Variants in ITPR2 observed in about 807,000 individuals in gnomAD.
The protein encoded by ITPR2 is inositol 1,4,5-trisphosphate-gated calcium channel ITPR2.
In ITPR2, 207 loss-of-function variants were observed where a neutral mutation model predicts 317.1. The ratio of observed to expected loss-of-function variants is 0.65; its 90% CI spans 0.58 to 0.73. ITPR2 has a LOEUF of 0.73. Among genes scored for constraint, ITPR2 ranks in the 30% least tolerant of loss-of-function variants. ITPR2 has a pLI of 0.00. For missense variants in ITPR2, 2,613 were observed against 3,284.0 expected, an observed-to-expected ratio of 0.80 and a Z score of 4.99; for synonymous variants, 1,156 against 1,149.1, an observed-to-expected ratio of 1.01 and a Z score of -0.12.
In ITPR2 at chr12:26,336,482, CTT is replaced by C. The variant is rs923037131; in HGVS notation, c.*2913_*2914del. 1.8e-4 allele frequency: 27 copies of C among 152,214 alleles called. No individual in the cohort carries two copies. The highest frequency in any genetic ancestry group is 6.0e-4 in the African/African-American group (25 of 41,540). 9.4% of individuals were successfully genotyped at this position (152,214 alleles called of 1,614,324 possible). A position where few individuals can be genotyped will look rare whatever the true frequency, so the allele number is the denominator to read the frequency against. On this transcript the variant is annotated 3_prime_UTR_variant, in exon 57 of 57. Coordinates refer to ENST00000381340, the MANE Select transcript of ITPR2 (RefSeq NM_002223.4). Reference sequence around the variant, plus strand: ...TGCAAGAAAATAAGCTTATTTCTAACTTAATTTTTTAAGGGGTAGAAAATATG... The same window carrying C: ...TGCAAGAAAATAAGCTTATTTCTAACAATTTTTTAAGGGGTAGAAAATATG...
Position 26,658,139 on chromosome 12 carries a change from A to G in ITPR2, c.1887-9T>C. On this transcript the variant is annotated splice_polypyrimidine_tract_variant and intron_variant, in intron 16 of 56. Transcript: ENST00000381340. ...ACAAATAATCCAAAAACCTGGCAAA[A>G]GAAAAAAATTAAATGGAATATGAAG... is the stretch of plus-strand genomic sequence containing the variant. 6.5e-7 allele frequency: 1 copy of G among 1,546,914 alleles called. No homozygotes were observed. The highest frequency in any genetic ancestry group is 1.3e-5 in the South Asian group (1 of 77,738).
intron 1 of ITPR2, among the ~76,000 whole-genome samples, chr12:26,821,498 G>C (rs2137293300): frequency 6.6e-6 from 1 of 152,336 alleles, no homozygotes; most frequent in Non-Finnish European, 1.5e-5. Context: ...TCCCAAAGCA[G>C]CCCTAGGTTC....
At chr12:26,532,267 C>T (rs1943964308) in intron 37 of ITPR2, among the ~76,000 whole-genome samples, 1 of 152,236 alleles carries the variant, frequency 6.6e-6, no homozygotes, top group South Asian at 2.1e-4. Flanking sequence ...CAACCACCAA[C>T]ATTTTAAAAA....
At chr12:26,444,667 C>A (rs913817741) in intron 45 of ITPR2, among the ~76,000 whole-genome samples, 15 of 152,004 alleles carry the variant, frequency 9.9e-5, no homozygotes, top group Admixed American at 2.6e-4. Flanking sequence ...AGTATTTTAT[C>A]GACATTACGG....
chr12:26,408,071 A>G (rs892527173), intron 52 of ITPR2, among the ~76,000 whole-genome samples: 1 of 152,180 alleles, frequency 6.6e-6, no homozygotes, highest in African/African-American at 2.4e-5. Context: ...CCCAACAGCC[A>G]ATCTCTATTG....
chr12:26,626,744 T>G (rs1172057476), intron 23 of ITPR2, among the ~76,000 whole-genome samples: 1 of 152,274 alleles, frequency 6.6e-6, no homozygotes, highest in Non-Finnish European at 1.5e-5. Context: ...TAGTATCCAT[T>G]TTAACTACAT....
At chr12:26,598,704 T>G (rs1371940863) in intron 30 of ITPR2, among the ~76,000 whole-genome samples, 1 of 152,244 alleles carries the variant, frequency 6.6e-6, no homozygotes, top group Non-Finnish European at 1.5e-5. Flanking sequence ...TAGTTTGTAT[T>G]ACTTAGTTTG....
chr12:26,409,450 T>A (rs530269679), intron 52 of ITPR2, among the ~76,000 whole-genome samples: 1 of 152,354 alleles, frequency 6.6e-6, no homozygotes, highest in East Asian at 1.9e-4. Context: ...TGTGAGAGCA[T>A]GTTCTAGTGC....
chr12:26,443,402 C>T (rs1022312509), intron 46 of ITPR2, 141 bp downstream of exon 46: 3 of 556,264 alleles, frequency 5.4e-6, no homozygotes, highest in Non-Finnish European at 9.4e-6. Context: ...ACTCCTCACT[C>T]ATCCTTTTAC....
intron 41 of ITPR2, among the ~76,000 whole-genome samples, chr12:26,484,884 T>C (rs1016279908): frequency 3.9e-5 from 6 of 152,200 alleles, no homozygotes; most frequent in Admixed American, 1.3e-4. Flanking sequence ...GCTAATTTTT[T>C]GTATTTTTTT....
intron 45 of ITPR2, among the ~76,000 whole-genome samples, chr12:26,465,765 T>C (rs1942157051): frequency 1.3e-5 from 2 of 152,122 alleles, no homozygotes; most frequent in African/African-American, 4.8e-5. Context: ...GTATACTCCA[T>C]GGGGGTAGAG....
intron 2 of ITPR2, among the ~76,000 whole-genome samples, chr12:26,760,537 T>G (rs1458790487): frequency 2.0e-5 from 3 of 151,998 alleles, no homozygotes; most frequent in Non-Finnish European, 4.4e-5. Context: ...AAGAACTTAA[T>G]GCCAAAACTG....
At chr12:26,407,362 G>A (rs1940387307) in intron 52 of ITPR2, among the ~76,000 whole-genome samples, 1 of 152,068 alleles carries the variant, frequency 6.6e-6, no homozygotes, top group African/African-American at 2.4e-5. Context: ...TCTTTGTTGT[G>A]GACTGTCCTG....
At chr12:26,823,340 C>A (rs1374135935) in intron 1 of ITPR2, among the ~76,000 whole-genome samples, 1 of 152,112 alleles carries the variant, frequency 6.6e-6, no homozygotes, top group African/African-American at 2.4e-5. Context: ...CCTGACCTTG[C>A]AACATTTGCA....
At chr12:26,651,042 T>C (rs879582544) in intron 21 of ITPR2, among the ~76,000 whole-genome samples, 19 of 152,224 alleles carry the variant, frequency 1.2e-4, no homozygotes, top group Non-Finnish European at 2.1e-4. Flanking sequence ...TATTATTCTC[T>C]TTCTGAATGT....
At chr12:26,351,165 G>T (rs1020618070) in intron 55 of ITPR2, among the ~76,000 whole-genome samples, 1 of 152,192 alleles carries the variant, frequency 6.6e-6, no homozygotes, top group Non-Finnish European at 1.5e-5. Flanking sequence ...CTCTGGGGAC[G>T]GGCACTGGTC....
chr12:26,418,514 A>G (rs10842726), intron 50 of ITPR2, among the ~76,000 whole-genome samples: 38,112 of 152,094 alleles, frequency 0.25, 4,823 homozygotes, highest in East Asian at 0.41. Flanking sequence ...TGAGTTAAAT[A>G]TATGTAGATA....
At chr12:26,751,441 C>A (rs146758328) in intron 2 of ITPR2, among the ~76,000 whole-genome samples, 1,646 of 152,180 alleles carry the variant, frequency 0.011, 13 homozygotes, top group Admixed American at 0.018. Flanking sequence ...CTAGAACCAG[C>A]GTTGTAGCCT....
chr12:26,735,279 G>A (rs1949100991), intron 2 of ITPR2, among the ~76,000 whole-genome samples: 1 of 152,220 alleles, frequency 6.6e-6, no homozygotes, highest in African/African-American at 2.4e-5. Context: ...TGGGATTACA[G>A]ACGTGAGGTA....
Sources: gnomAD v4.1 joint callset for allele counts (sites outside exome capture counted in the v4.1 genomes callset) on GRCh38, gnomAD v4.1.1 for gene constraint, MANE v1.5 for transcripts, NCBI Gene and HGNC (gene_info 2026-07-23, HGNC 2026-07-21) for gene names.